Variants in SMARCA5 observed in about 807,000 individuals in gnomAD.
The protein encoded by SMARCA5 is SNF2 related chromatin remodeling ATPase 5, also known as SWI/SNF-related matrix-associated actin-dependent regulator of chromatin subfamily A member 5.
SMARCA5 carries 18 observed loss-of-function variants against 140.4 expected under a neutral mutation model. That is an observed-to-expected ratio of 0.13 (90% CI 0.09 to 0.19). SMARCA5 has a LOEUF of 0.19. Among genes scored for constraint, SMARCA5 ranks in the 10% least tolerant of loss-of-function variants. SMARCA5 has a pLI of 1.00. For synonymous variants in SMARCA5, 449 were observed against 419.6 expected, an observed-to-expected ratio of 1.07 and a Z score of -0.86; for missense variants, 606 against 1,276.8, an observed-to-expected ratio of 0.47 and a Z score of 8.01.
intron 9 of SMARCA5, among the ~76,000 whole-genome samples, chr4:143,533,606 C>G (rs907748362): frequency 6.8e-6 from 1 of 147,788 alleles, no homozygotes; most frequent in Admixed American, 6.9e-5. Flanking sequence ...CTCCCGGGTT[C>G]ACACCATTCT....
intron 20 of SMARCA5, 136 bp downstream of exon 20, chr4:143,547,044 T>A: frequency 1.2e-6 from 1 of 834,442 alleles, no homozygotes; most frequent in South Asian, 2.7e-5. Context: ...TTTTACAAAT[T>A]AGAAAATGTT....
At chr4:143,541,478 A>C (rs1228560712) in intron 14 of SMARCA5, among the ~76,000 whole-genome samples, 1 of 152,142 alleles carries the variant, frequency 6.6e-6, no homozygotes, top group Non-Finnish European at 1.5e-5. Context: ...ACAATAAATT[A>C]TTGCTTATTT....
chr4:143,516,896 T>C (rs1736852688), intron 1 of SMARCA5, among the ~76,000 whole-genome samples: 1 of 152,254 alleles, frequency 6.6e-6, no homozygotes, highest in Admixed American at 6.5e-5. Context: ...ATAAAGTTTT[T>C]GTAATATTCC....
At chr4:143,542,314 C>G (rs1320348033) in intron 14 of SMARCA5, among the ~76,000 whole-genome samples, 1 of 152,162 alleles carries the variant, frequency 6.6e-6, no homozygotes, top group Non-Finnish European at 1.5e-5. Context: ...GTTAGTCAAA[C>G]AGCAAGCCTT....
rs1261394517 is a variant in SMARCA5 at position 143,527,861 on chromosome 4, T to C, written c.802-7T>C. On this transcript the variant is annotated splice_polypyrimidine_tract_variant and splice_region_variant and intron_variant, in intron 6 of 23. Transcript: ENST00000283131. Reference sequence around the variant, plus strand: ...ACGTGATGTAATTTTTTTCTCTTGTTACACAGGCTGCTTTTGTCAGAGACG... The same window carrying C: ...ACGTGATGTAATTTTTTTCTCTTGTCACACAGGCTGCTTTTGTCAGAGACG... 2 of 1,588,970 alleles carry C rather than the reference T, an allele frequency of 1.3e-6. No individual in the cohort carries two copies. The highest frequency in any genetic ancestry group is 1.7e-6 in the Non-Finnish European group (2 of 1,173,814).
chr4:143,537,323 A>T (rs1308624650), intron 11 of SMARCA5, among the ~76,000 whole-genome samples: 1 of 152,216 alleles, frequency 6.6e-6, no homozygotes, highest in African/African-American at 2.4e-5. Context: ...TCTCTTAAAG[A>T]TACGAAATAT....
intron 1 of SMARCA5, chr4:143,514,574 TTTCTTC>T: frequency 6.4e-6 from 1 of 156,410 alleles, no homozygotes; most frequent in East Asian, 1.9e-4. Context: ...TGGGCCTCCT[TTTCTTC>T]TTCCCGGTCC....
At chr4:143,525,976 C>T (rs1737064789) in intron 5 of SMARCA5, among the ~76,000 whole-genome samples, 6 of 152,196 alleles carry the variant, frequency 3.9e-5, no homozygotes, top group Admixed American at 2.6e-4. Context: ...AATGCTAAAA[C>T]GTTTAATTGG....
chr4:143,549,157 G>A (rs1371411174), intron 22 of SMARCA5, among the ~76,000 whole-genome samples: 2 of 151,952 alleles, frequency 1.3e-5, no homozygotes, highest in South Asian at 2.1e-4. Context: ...GTACAGTACC[G>A]TAATTTAAAA....
chr4:143,531,825 T>A (rs1209913569), intron 9 of SMARCA5, among the ~76,000 whole-genome samples: 1 of 152,242 alleles, frequency 6.6e-6, no homozygotes. Flanking sequence ...ACACCTAGAA[T>A]CCTTTTTCCT....
At position 143,513,839 on chromosome 4, in the gene SMARCA5, C is replaced by A; in HGVS notation, c.-86C>A. 7.1e-7 allele frequency: 1 copy of A among 1,418,140 alleles called. No homozygotes were observed. Among genetic ancestry groups the A allele is most frequent in the Non-Finnish European group, 9.4e-7 (1 of 1,060,338 alleles). The allele number at this position is 1,418,140 out of a possible 1,614,324, so 87.8% of individuals were successfully genotyped here. ...GTCTCGCTCCTCCACCAGTTTATTG[C>A]GACGTAGCATCCAGGCCTAGGCCTC... is the stretch of plus-strand genomic sequence containing the variant. On this transcript the variant is annotated 5_prime_UTR_variant, in exon 1 of 24. Coordinates refer to ENST00000283131, the MANE Select transcript of SMARCA5 (RefSeq NM_003601.4).
intron 17 of SMARCA5, among the ~76,000 whole-genome samples, chr4:143,545,145 G>A (rs1248440919): frequency 6.6e-6 from 1 of 152,028 alleles, no homozygotes; most frequent in Non-Finnish European, 1.5e-5. Flanking sequence ...GTTTCACCAT[G>A]TTGGCCAGGA....
chr4:143,518,295 G>A (rs948064608), intron 2 of SMARCA5, among the ~76,000 whole-genome samples: 4 of 152,130 alleles, frequency 2.6e-5, no homozygotes, highest in Non-Finnish European at 4.4e-5. Flanking sequence ...TTCAGTTTTA[G>A]TAATAGTAGT....
At chr4:143,537,184 C>T (rs891940238) in intron 11 of SMARCA5, among the ~76,000 whole-genome samples, 6 of 152,156 alleles carry the variant, frequency 3.9e-5, no homozygotes, top group African/African-American at 9.7e-5. Flanking sequence ...TACACGAATG[C>T]AGAAAGAACT....
intron 19 of SMARCA5, among the ~76,000 whole-genome samples, 164 bp from the exon 20 acceptor site, chr4:143,546,612 G>T (rs1402085708): frequency 1.3e-5 from 2 of 152,088 alleles, no homozygotes; most frequent in Admixed American, 6.6e-5. Context: ...AATATATAAT[G>T]TGTTGTCAAA....
intron 9 of SMARCA5, among the ~76,000 whole-genome samples, chr4:143,533,244 G>C (rs535215043): frequency 2.0e-5 from 3 of 152,140 alleles, no homozygotes; most frequent in African/African-American, 7.2e-5. Context: ...ATTAATTTAT[G>C]GTGTCTAAAA....
intron 2 of SMARCA5, among the ~76,000 whole-genome samples, chr4:143,519,698 C>T (rs1009456192): frequency 6.6e-6 from 1 of 152,240 alleles, no homozygotes; most frequent in East Asian, 1.9e-4. Flanking sequence ...ATCCACTCCT[C>T]GTTCTTGAAC....
chr4:143,546,750 A>C (rs1737533304), intron 19 of SMARCA5, 26 bp from the exon 20 acceptor site: 1 of 1,595,308 alleles, frequency 6.3e-7, no homozygotes, highest in South Asian at 1.1e-5. Context: ...GCTGTGATTA[A>C]ATATTTTGTT....
chr4:143,546,656 C>A, intron 19 of SMARCA5, 120 bp from the exon 20 acceptor site: 1 of 888,966 alleles, frequency 1.1e-6, no homozygotes, highest in Non-Finnish European at 1.7e-6. Context: ...AGTTACCACT[C>A]TAAAAGAACT....
Sources: gnomAD v4.1 joint callset for allele counts (sites outside exome capture counted in the v4.1 genomes callset) on GRCh38, gnomAD v4.1.1 for gene constraint, MANE v1.5 for transcripts, NCBI Gene and HGNC (gene_info 2026-07-23, HGNC 2026-07-21) for gene names.